CECR2: variants seen among roughly 807,000 people sequenced by gnomAD.
CECR2 encodes the protein CECR2 histone acetyl-lysine reader, also known as chromatin remodeling regulator CECR2.
CECR2 carries 30 observed loss-of-function variants against 154.5 expected under a neutral mutation model. That is an observed-to-expected ratio of 0.19 (90% CI 0.15 to 0.26). CECR2 has a LOEUF of 0.26. Among genes scored for constraint, CECR2 ranks in the 10% least tolerant of loss-of-function variants. The probability of loss-of-function intolerance (pLI) is 1.00; values close to 1 mark genes in which losing one functional copy is unlikely to be tolerated. For synonymous variants in CECR2, 725 were observed against 683.7 expected, an observed-to-expected ratio of 1.06 and a Z score of -0.94; for missense variants, 1,743 against 1,829.3, an observed-to-expected ratio of 0.95 and a Z score of 0.86.
intron 1 of CECR2, among the ~76,000 whole-genome samples, chr22:17,466,616 A>G (rs2055037320): frequency 8.8e-6 from 1 of 114,208 alleles, no homozygotes; most frequent in Non-Finnish European, 1.8e-5. Context: ...TTTTTTTGAG[A>G]AGGAGTCTTG....
intron 1 of CECR2, among the ~76,000 whole-genome samples, chr22:17,472,499 G>T (rs75677660): frequency 6.6e-6 from 1 of 152,122 alleles, no homozygotes; most frequent in Non-Finnish European, 1.5e-5. Flanking sequence ...GAGATACTAC[G>T]TAGTAGTTGG....
At chr22:17,378,669 C>T (rs539352583) in intron 1 of CECR2, among the ~76,000 whole-genome samples, 1 of 152,324 alleles carries the variant, frequency 6.6e-6, no homozygotes, top group African/African-American at 2.4e-5. Flanking sequence ...ATATAAATGT[C>T]TCCAGACATT....
intron 1 of CECR2, among the ~76,000 whole-genome samples, chr22:17,372,485 A>T (rs1221965695): frequency 6.6e-6 from 1 of 152,112 alleles, no homozygotes; most frequent in South Asian, 2.1e-4. Context: ...GGCTAACATG[A>T]TGAAACCCCG....
Position 17,407,416 on chromosome 22 carries a change from T to C in CECR2, c.126+37507T>C, listed in dbSNP as rs1005227641. Among the ~76,000 whole-genome samples, 3 of 152,120 alleles carry C rather than the reference T, an allele frequency of 2.0e-5. 1 individual carries two copies. The East Asian group carries it at 5.8e-4, about 29-fold the overall frequency. The stretch of plus-strand genomic sequence containing the variant: ...TTCGAGACCACCCTGGCCAACATAG[T>C]GAAACCCCATCTCTACTGAAAACAC... On this transcript the variant is annotated intron_variant, in intron 1 of 18. Coordinates refer to ENST00000262608, the MANE Select transcript of CECR2 (RefSeq NM_001290047.2).
intron 1 of CECR2, among the ~76,000 whole-genome samples, chr22:17,467,499 A>C (rs981609750): frequency 2.4e-4 from 37 of 152,016 alleles, no homozygotes; most frequent in East Asian, 5.8e-4. Context: ...ACTTTTTAAA[A>C]GGTCCCGGGT....
At chr22:17,517,164 A>G (rs935266203) in intron 8 of CECR2, among the ~76,000 whole-genome samples, 4 of 152,368 alleles carry the variant, frequency 2.6e-5, no homozygotes, top group African/African-American at 9.6e-5. Context: ...GGCGTGAGCC[A>G]CCGCGCCTGG....
chr22:17,418,387 G>A lies in CECR2; in HGVS notation c.126+48478G>A, dbSNP rs577184360. 7.2e-5 allele frequency among the ~76,000 whole-genome samples: 11 copies of A among 152,222 alleles called. No homozygotes were observed. The South Asian group carries it at 1.7e-3, about 23-fold the overall frequency. ...CGCTGTAGCTTAGTGGTTCATTTTC[G>A]TTCTGTTGAGCTGTGTCTGTCTTTG... On this transcript the variant is annotated intron_variant, in intron 1 of 18. Coordinates refer to ENST00000262608, the MANE Select transcript of CECR2 (RefSeq NM_001290047.2).
At position 17,484,248 on chromosome 22, in the gene CECR2, C is replaced by T. The variant is rs188213203; in HGVS notation, c.221+6566C>T. ...TCTGTTCCCCAGGCTGGAGTGCATT[C>T]GACCAATCCTAACCCATTGCAGCCT... On this transcript the variant is annotated intron_variant, in intron 2 of 18. Coordinates refer to ENST00000262608, the MANE Select transcript of CECR2 (RefSeq NM_001290047.2). Among the ~76,000 whole-genome samples, 14 of 152,296 alleles carry T rather than the reference C, an allele frequency of 9.2e-5. 1 individual carries two copies. Among genetic ancestry groups the T allele is most frequent in the Admixed American group, 2.6e-4 (4 of 15,300 alleles).
chr22:17,490,611 T>TA (rs1469119193), intron 2 of CECR2, among the ~76,000 whole-genome samples: 2 of 151,730 alleles, frequency 1.3e-5, no homozygotes, highest in African/African-American at 4.8e-5. Flanking sequence ...ATTTTTTTTT[T>TA]ATTTTTATTT....
chr22:17,375,421 TG>T (rs1221374762), intron 1 of CECR2, among the ~76,000 whole-genome samples: 1 of 151,838 alleles, frequency 6.6e-6, no homozygotes, highest in Non-Finnish European at 1.5e-5. Context: ...AGCCAGCAAA[TG>T]TTTATTAAGC....
intron 16 of CECR2, among the ~76,000 whole-genome samples, 159 bp from the exon 17 acceptor site, chr22:17,547,989 C>G (rs1444701931): frequency 6.6e-6 from 1 of 152,182 alleles, no homozygotes; most frequent in Non-Finnish European, 1.5e-5. Flanking sequence ...TGTACAGGGA[C>G]CCCAATGTCC....
intron 1 of CECR2, among the ~76,000 whole-genome samples, chr22:17,430,877 A>G (rs996211031): frequency 7.9e-5 from 12 of 152,154 alleles, no homozygotes; most frequent in African/African-American, 2.2e-4. Context: ...ATTTATATAT[A>G]TATAATTATT....
chr22:17,541,105 CT>C (rs2056516559), intron 14 of CECR2, among the ~76,000 whole-genome samples: 1 of 152,146 alleles, frequency 6.6e-6, no homozygotes, highest in Admixed American at 6.6e-5. Flanking sequence ...CTAAATCCTC[CT>C]TTTTCTCAAT....
At chr22:17,377,929 T>C (rs1212035041) in intron 1 of CECR2, among the ~76,000 whole-genome samples, 2 of 152,196 alleles carry the variant, frequency 1.3e-5, no homozygotes, top group Non-Finnish European at 2.9e-5. Context: ...GATAGTTTGA[T>C]CTGAAAATCT....
intron 16 of CECR2, among the ~76,000 whole-genome samples, chr22:17,546,226 G>A (rs2056611651): frequency 1.3e-5 from 2 of 151,968 alleles, no homozygotes; most frequent in Non-Finnish European, 2.9e-5. Context: ...GATGGCTCAC[G>A]CCTGTAATCC....
At chr22:17,417,937 C>A (rs1422449074) in intron 1 of CECR2, among the ~76,000 whole-genome samples, 1 of 151,916 alleles carries the variant, frequency 6.6e-6, no homozygotes, top group African/African-American at 2.4e-5. Context: ...TTTAAATTTT[C>A]CGCTTTTGAG....
intron 1 of CECR2, among the ~76,000 whole-genome samples, chr22:17,462,316 G>A (rs926274552): frequency 2.6e-5 from 4 of 151,834 alleles, no homozygotes; most frequent in East Asian, 3.9e-4. Context: ...AGCAAAGATC[G>A]TGCCACTGCA....
In CECR2 at chr22:17,557,903, C is replaced by T. The variant is rs969755041; in HGVS notation, c.*5063C>T. On this transcript the variant is annotated 3_prime_UTR_variant, in exon 19 of 19. Transcript: ENST00000262608. ...TCTGCTCCTGCTGCAAAAGCAGAAACCATGTGAACCTTCTGGCCAGTACTG... is the reference window on the plus strand; with the variant it reads ...TCTGCTCCTGCTGCAAAAGCAGAAATCATGTGAACCTTCTGGCCAGTACTG... 2.0e-5 allele frequency: 3 copies of T among 152,180 alleles called. No individual in the cohort carries two copies. The highest frequency in any genetic ancestry group is 6.5e-5 in the Admixed American group (1 of 15,276). 9.4% of individuals were successfully genotyped at this position (152,180 alleles called of 1,614,324 possible).
chr22:17,442,849 TC>T, intron 1 of CECR2, among the ~76,000 whole-genome samples: 1 of 152,260 alleles, frequency 6.6e-6, no homozygotes, highest in Non-Finnish European at 1.5e-5. Context: ...GCCTGGCCAA[TC>T]ACTAGATGAT....
Sources: gnomAD v4.1 joint callset for allele counts (sites outside exome capture counted in the v4.1 genomes callset) on GRCh38, gnomAD v4.1.1 for gene constraint, MANE v1.5 for transcripts, NCBI Gene and HGNC (gene_info 2026-07-23, HGNC 2026-07-21) for gene names.